Variants in ULBP1 observed in about 807,000 individuals in gnomAD.
ULBP1 encodes UL16-binding protein 1.
ULBP1 carries 28 observed loss-of-function variants against 25.3 expected under a neutral mutation model. The ratio of observed to expected loss-of-function variants is 1.10; its 90% confidence interval spans 0.82 to 1.51. ULBP1 has a LOEUF of 1.51. Among genes scored for constraint, ULBP1 ranks in the 40% most tolerant of loss-of-function variants. ULBP1 has a pLI of 0.00. For synonymous variants in ULBP1, 129 were observed against 103.0 expected, an observed-to-expected ratio of 1.25 and a Z score of -1.53; for missense variants, 348 against 290.9, an observed-to-expected ratio of 1.20 and a Z score of -1.43.
In ULBP1 at chr6:149,964,925, C is replaced by T. The variant is rs533464270; in HGVS notation, c.85+791C>T. ...GCCGTCTCCCCGTACATTGCGATCCCCCGAAACATTGCGATCTCCCCGAAC... is the reference window on the plus strand; with the variant it reads ...GCCGTCTCCCCGTACATTGCGATCCTCCGAAACATTGCGATCTCCCCGAAC... On this transcript the variant is annotated intron_variant, in intron 1 of 4. Coordinates refer to ENST00000229708, the MANE Select transcript of ULBP1 (RefSeq NM_025218.4). Among the ~76,000 whole-genome samples the T allele has an allele frequency of 2.1e-5, 3 of 140,968 alleles. No homozygotes were observed. The South Asian group carries it at 7.0e-4, about 33-fold the overall frequency. The allele number at this position is 140,968 out of a possible 152,430, so 92.5% of individuals were successfully genotyped here. A position where few individuals can be genotyped will look rare whatever the true frequency, so the allele number is the denominator to read the frequency against.
At position 149,964,116 on chromosome 6, in the gene ULBP1, TC is replaced by T. The variant is rs1779151847; in HGVS notation, c.70del (p.Arg24GlyfsTer71). 1 of 1,614,158 alleles carries T rather than the reference TC, an allele frequency of 6.2e-7. No homozygotes were observed. The highest frequency in any genetic ancestry group is 1.6e-4 in the Middle Eastern group (1 of 6,062). ...LPLLHLLSGW[S>X]RAGWVDTHCL... ...GCTTCTGCACCTGCTGTCTGGCTGG[TC>T]CCGGGCAGGATGGGTCGGTGAGTTC... On this transcript the variant is annotated frameshift_variant, in exon 1 of 5. Transcript: ENST00000229708. LOFTEE classifies it high-confidence loss of function.
chr6:149,969,772 T>C (rs1370349443), intron 3 of ULBP1, among the ~76,000 whole-genome samples: 1 of 152,102 alleles, frequency 6.6e-6, no homozygotes, highest in Non-Finnish European at 1.5e-5. Flanking sequence ...ACCTCCTCTT[T>C]CTCCACAGCA....
Position 149,965,553 on chromosome 6 carries a change from A to G in ULBP1, c.85+1419A>G, listed in dbSNP as rs569194901. On this transcript the variant is annotated intron_variant, in intron 1 of 4. Transcript: ENST00000229708. ...AGGGAAGGAGAAACCAGATTCCCGA[A>G]CCCTAGCTGGGGTCAGGACAGGGGT... Among the ~76,000 whole-genome samples the G allele has an allele frequency of 1.2e-3, 177 of 152,278 alleles. 1 individual carries two copies. Among genetic ancestry groups the G allele is most frequent in the African/African-American group, 4.1e-3 (169 of 41,550 alleles).
intron 1 of ULBP1, among the ~76,000 whole-genome samples, chr6:149,964,942 T>A (rs1425951750): frequency 7.9e-6 from 1 of 127,016 alleles, no homozygotes; most frequent in South Asian, 2.6e-4. Context: ...CATTGCGATC[T>A]CCCCGAACAT....
rs200616602 is a variant in ULBP1, at chr6:149,970,083, C to G, written c.693C>G (p.Ser231Arg). The G allele has an allele frequency of 4.3e-6, 7 of 1,613,028 alleles. No individual in the cohort carries two copies. In the South Asian group the frequency reaches 5.5e-5, roughly 13 times the overall value. Residue 231 changes from serine to arginine, a missense_variant, in exon 4 of 5, where the codon AGC becomes AGG. Physicochemically the swap from Ser to Arg is moderately radical, Grantham distance 110. Transcript: ENST00000229708. ...TGGCCACCACCCTCAGTCCCTGGAG[C>G]CTTCTCATCATCTTCCTCTGCTTCA... is the stretch of plus-strand genomic sequence containing the variant. ...KAMATTLSPWSLLIIFLCFIL... is the reference protein window; with the variant it reads ...KAMATTLSPWRLLIIFLCFIL...
chr6:149,969,778 C>T (rs186829030), intron 3 of ULBP1, among the ~76,000 whole-genome samples: 14 of 152,318 alleles, frequency 9.2e-5, no homozygotes, highest in African/African-American at 3.4e-4. Context: ...TCTTTCTCCA[C>T]AGCAGGAGGG....
chr6:149,966,237 C>A, intron 1 of ULBP1, among the ~76,000 whole-genome samples: 1 of 152,186 alleles, frequency 6.6e-6, no homozygotes, highest in Admixed American at 6.5e-5. Context: ...CAATGGTAAC[C>A]TGCAAATAAA....
rs1307610913 is a variant in ULBP1 at position 149,964,026 on chromosome 6, T to A, written c.-24T>A. On this transcript the variant is annotated 5_prime_UTR_variant, in exon 1 of 5. Transcript: ENST00000229708. Reference sequence around the variant, plus strand: ...CTCGAAGGGAACCATCAGCGCCTCCTGTCCACGGAGCTCCAGGTCTACAAT... The same window carrying A: ...CTCGAAGGGAACCATCAGCGCCTCCAGTCCACGGAGCTCCAGGTCTACAAT... 1 of 1,613,342 alleles carries A rather than the reference T, an allele frequency of 6.2e-7. No homozygotes were observed. The highest frequency in any genetic ancestry group is 1.3e-5 in the African/African-American group (1 of 74,794).
chr6:149,965,853 C>T lies in ULBP1; in HGVS notation c.85+1719C>T, dbSNP rs145110046. 8.3e-3 allele frequency among the ~76,000 whole-genome samples: 1,260 copies of T among 152,240 alleles called. 16 individuals are homozygous for T. The highest frequency in any genetic ancestry group is 0.029 in the African/African-American group (1,196 of 41,512). Reference sequence around the variant, plus strand: ...CCTGTCACCACACAGGCCTCCCTCACCTCCCCATCCATGAAGGGGCCCTTA... The same window carrying T: ...CCTGTCACCACACAGGCCTCCCTCATCTCCCCATCCATGAAGGGGCCCTTA... On this transcript the variant is annotated intron_variant, in intron 1 of 4. Transcript: ENST00000229708.
chr6:149,971,213 A>G (rs1251033419), intron 4 of ULBP1, among the ~76,000 whole-genome samples, 156 bp from the exon 5 acceptor site: 3 of 152,146 alleles, frequency 2.0e-5, no homozygotes, highest in Non-Finnish European at 4.4e-5. Context: ...TGGAGGTTGG[A>G]ACAGGGTACA....
intron 4 of ULBP1, among the ~76,000 whole-genome samples, chr6:149,970,538 G>A (rs1779296086): frequency 6.6e-6 from 1 of 152,216 alleles, no homozygotes; most frequent in Non-Finnish European, 1.5e-5. Context: ...GGATGTCAAG[G>A]GAAGGGGTGT....
intron 4 of ULBP1, among the ~76,000 whole-genome samples, chr6:149,970,994 T>C (rs940229432): frequency 6.6e-6 from 1 of 152,066 alleles, no homozygotes; most frequent in African/African-American, 2.4e-5. Context: ...GAAAAGAAGG[T>C]GGTTTGTCTA....
chr6:149,969,512 T>C, intron 3 of ULBP1, 152 bp downstream of exon 3: 2 of 1,014,740 alleles, frequency 2.0e-6, no homozygotes, highest in Non-Finnish European at 2.9e-6. Context: ...ATGCCTGTGC[T>C]CTCTCATCCT....
chr6:149,969,421 G>T, intron 3 of ULBP1, 61 bp downstream of exon 3: 5 of 1,580,946 alleles, frequency 3.2e-6, no homozygotes, highest in Non-Finnish European at 3.4e-6. Context: ...GCTGGTGTAT[G>T]TGTGTGAGTG....
At position 149,968,771 on chromosome 6, in the gene ULBP1, A is replaced by G; in HGVS notation, c.250A>G (p.Thr84Ala). 1 of 1,614,220 alleles carries G rather than the reference A, an allele frequency of 6.2e-7. No individual in the cohort carries two copies. The highest frequency in any genetic ancestry group is 8.5e-7 in the Non-Finnish European group (1 of 1,180,022). The change falls in exon 2 of 5, where the codon ACA becomes GCA. Residue 84 changes from threonine (T) to alanine (A), a missense_variant. By Grantham distance (58) the Thr-to-Ala change is moderately conservative (BLOSUM62 0). Transcript: ENST00000229708. Reference sequence around the variant, plus strand: ...TTCTCTGGGGAAGAAAGTCAATGTCACAAAAACCTGGGAAGAACAAACTGA... The same window carrying G: ...TTCTCTGGGGAAGAAAGTCAATGTCGCAAAAACCTGGGAAGAACAAACTGA... ...FASLGKKVNV[T>A]KTWEEQTETL...
At position 149,973,400 on chromosome 6, in the gene ULBP1, A is replaced by G. The variant is rs553801893; in HGVS notation, c.*2054A>G. ...GTCTGGGCGATGGGATCATTGGGAC[A>G]CCAAGCCTCAGCTTCTCAAATTCTA... On this transcript the variant is annotated 3_prime_UTR_variant, in exon 5 of 5. Coordinates refer to ENST00000229708, the MANE Select transcript of ULBP1 (RefSeq NM_025218.4). The G allele has an allele frequency of 6.6e-6, 1 of 152,338 alleles. No individual in the cohort carries two copies. The highest frequency in any genetic ancestry group is 2.1e-4 in the South Asian group (1 of 4,830). 9.4% of individuals were successfully genotyped at this position (152,338 alleles called of 1,614,324 possible).
rs748686153 is a variant in ULBP1 at position 149,969,268 on chromosome 6, T to A, written c.533T>A (p.Val178Glu). The part of the protein sequence containing the change: ...MTEKWEKNRD[V>E]TMFFQKISLG... ...GAGAAGTGGGAGAAGAACAGGGATGTGACCATGTTCTTCCAGAAGATTTCA... is the reference window on the plus strand; with the variant it reads ...GAGAAGTGGGAGAAGAACAGGGATGAGACCATGTTCTTCCAGAAGATTTCA... Residue 178 changes from valine to glutamate, a missense_variant, in exon 3 of 5, where the codon GTG (valine) becomes GAG (glutamate). By Grantham distance (121) the Val-to-Glu change is moderately radical. Transcript: ENST00000229708. The A allele has an allele frequency of 1.2e-6, 2 of 1,614,248 alleles. No homozygotes were observed. The highest frequency in any genetic ancestry group is 8.5e-7 in the Non-Finnish European group (1 of 1,180,042).
At chr6:149,969,908 G>T in intron 3 of ULBP1, 108 bp from the exon 4 acceptor site, 1 of 1,443,924 alleles carries the variant, frequency 6.9e-7, no homozygotes, top group Non-Finnish European at 9.3e-7. Context: ...AGCAGAGGGG[G>T]ACAAAAGGTC....
chr6:149,964,835 C>T (rs1212217504), intron 1 of ULBP1, among the ~76,000 whole-genome samples: 1 of 141,890 alleles, frequency 7.0e-6, no homozygotes, highest in Non-Finnish European at 1.5e-5. Flanking sequence ...ATCGCCGTCC[C>T]CCCGAGTAAC....
Sources: allele counts gnomAD v4.1 joint callset (sites outside exome capture counted in the v4.1 genomes callset), GRCh38; gene constraint gnomAD v4.1.1; transcripts MANE v1.5; gene names NCBI Gene and HGNC (gene_info 2026-07-23, HGNC 2026-07-21).